Variants in DSCAML1 observed in about 807,000 individuals in gnomAD.
DSCAML1 encodes the protein cell adhesion molecule DSCAML1.
A neutral mutation model predicts 200.5 loss-of-function variants in DSCAML1; 38 were observed. The observed-to-expected ratio is 0.19, with a 90% CI of 0.15 to 0.25. The LOEUF is 0.25. DSCAML1 is among the 10% of genes least tolerant of loss of function. The pLI is 1.00. For synonymous variants in DSCAML1, 1,215 were observed against 1,165.0 expected, an observed-to-expected ratio of 1.04 and a Z score of -0.87; for missense variants, 2,223 against 2,858.8, an observed-to-expected ratio of 0.78 and a Z score of 5.07.
intron 11 of DSCAML1, among the ~76,000 whole-genome samples, chr11:117,484,886 AGTGTGTGTGTGTGTGT>A (rs55850829): frequency 0.025 from 3,005 of 119,194 alleles, 60 homozygotes; most frequent in East Asian, 0.064. Flanking sequence ...GCAGAGGAAC[AGTGTGTGTGTGTGTGT>A]GTGTGTGTGT....
rs368287721 is a variant in DSCAML1 at position 117,753,361 on chromosome 11, C to T, written c.511+23430G>A. Reference sequence around the variant, plus strand: ...GTCCCGCATTCTTCTCCTCCCTTTGCCCTTTGTTGCTGCTATGTTTGGGGC... The same window carrying T: ...GTCCCGCATTCTTCTCCTCCCTTTGTCCTTTGTTGCTGCTATGTTTGGGGC... On this transcript the variant is annotated intron_variant, in intron 3 of 32. Coordinates refer to ENST00000651296, the MANE Select transcript of DSCAML1 (RefSeq NM_020693.4). 2.0e-4 allele frequency among the ~76,000 whole-genome samples: 30 copies of T among 152,250 alleles called. No homozygotes were observed. The South Asian group carries it at 2.5e-3, about 13-fold the overall frequency.
intron 11 of DSCAML1, among the ~76,000 whole-genome samples, chr11:117,484,871 GAGA>G (rs1369908471): frequency 6.6e-6 from 1 of 151,026 alleles, no homozygotes; most frequent in Non-Finnish European, 1.5e-5. Context: ...TGAAGCCACA[GAGA>G]AGCAGAGGAA....
At chr11:117,614,853 C>CATA (rs2051777801) in intron 3 of DSCAML1, among the ~76,000 whole-genome samples, 1 of 152,194 alleles carries the variant, frequency 6.6e-6, no homozygotes, top group Non-Finnish European at 1.5e-5. Flanking sequence ...GGTCACTATG[C>CATA]AAGATCCAGC....
intron 3 of DSCAML1, among the ~76,000 whole-genome samples, chr11:117,773,579 T>A (rs1044563255): frequency 6.8e-6 from 1 of 147,226 alleles, no homozygotes; most frequent in Non-Finnish European, 1.5e-5. Context: ...GCACACACAC[T>A]GGGCATAGTG....
In DSCAML1 at chr11:117,463,150, A is replaced by G. The variant is rs2048514181; in HGVS notation, c.3266-1554T>C. On this transcript the variant is annotated intron_variant, in intron 17 of 32. Coordinates refer to ENST00000651296, the MANE Select transcript of DSCAML1 (RefSeq NM_020693.4). The surrounding 1 kb of genome is among the most constrained non-coding windows in gnomAD (Gnocchi z 4.0). Reference sequence around the variant, plus strand: ...CGTGCATCCAGCCTTGCTCCCAAGCAAAAGGGAGGCACAAGGTGAAGCAGG... The same window carrying G: ...CGTGCATCCAGCCTTGCTCCCAAGCGAAAGGGAGGCACAAGGTGAAGCAGG... Among the ~76,000 whole-genome samples the G allele has an allele frequency of 6.6e-6, 1 of 152,356 alleles. No individual in the cohort carries two copies. The highest frequency in any genetic ancestry group is 1.9e-4 in the East Asian group (1 of 5,182).
chr11:117,456,388 C>G (rs1478816328), intron 19 of DSCAML1, among the ~76,000 whole-genome samples: 1 of 152,218 alleles, frequency 6.6e-6, no homozygotes, highest in Admixed American at 6.5e-5. Context: ...AAAAAGCTTC[C>G]TAACAGACAC....
At chr11:117,644,528 C>A (rs2052480353) in intron 3 of DSCAML1, among the ~76,000 whole-genome samples, 3 of 152,254 alleles carry the variant, frequency 2.0e-5, no homozygotes, top group Admixed American at 2.0e-4. Flanking sequence ...AGAAAGTTTT[C>A]TTTCCTTCCT....
intron 3 of DSCAML1, among the ~76,000 whole-genome samples, chr11:117,622,359 C>G (rs567670495): frequency 2.5e-4 from 38 of 152,148 alleles, no homozygotes; most frequent in Non-Finnish European, 5.0e-4. Context: ...CTTCCAGGAG[C>G]AGGGGCAGGT....
chr11:117,768,206 C>T (rs571520382), intron 3 of DSCAML1, among the ~76,000 whole-genome samples: 1 of 152,312 alleles, frequency 6.6e-6, no homozygotes, highest in South Asian at 2.1e-4. Flanking sequence ...AACCGCACCT[C>T]CATTCCTTCC....
At position 117,431,032 on chromosome 11, in the gene DSCAML1, G is replaced by A. The variant is rs1278275260; in HGVS notation, c.5376C>T (p.Asp1792=). ...SYSASLSQDT[D]KGRNSMVSTE... is the part of the protein sequence containing the mutation. ...TGGACACCATGCTGTTCCTTCCTTT[G>A]TCTGGGGAGTTAAGAGGAAAGGGGT... Residue 1792 remains aspartate (D), a splice_region_variant and synonymous_variant, in exon 32 of 33, where the codon GAC becomes GAT. Transcript: ENST00000651296. The A allele has an allele frequency of 1.9e-6, 3 of 1,609,150 alleles. No individual in the cohort carries two copies. Among genetic ancestry groups the A allele is most frequent in the Non-Finnish European group, 2.5e-6 (3 of 1,177,256 alleles).
At chr11:117,615,714 GA>G (rs1032984681) in intron 3 of DSCAML1, among the ~76,000 whole-genome samples, 33 of 151,300 alleles carry the variant, frequency 2.2e-4, no homozygotes, top group Admixed American at 5.3e-4. Flanking sequence ...TTTGGGTGGG[GA>G]AAAAAAAATC....
chr11:117,692,079 T>C (rs2053504553), intron 3 of DSCAML1, among the ~76,000 whole-genome samples: 1 of 152,160 alleles, frequency 6.6e-6, no homozygotes, highest in African/African-American at 2.4e-5. Context: ...GAGCTGGGCC[T>C]AGCGGGGGTG....
Position 117,450,672 on chromosome 11 carries a change from A to G in DSCAML1, c.3585T>C (p.Ala1195=), listed in dbSNP as rs202113729. 44 of 1,614,098 alleles carry G rather than the reference A, an allele frequency of 2.7e-5. No homozygotes were observed. The highest frequency in any genetic ancestry group is 3.5e-5 in the Non-Finnish European group (41 of 1,180,004). ...CTGATGAAGGGACAGCTTTGATGCCAGCAGGGGGACCTGGAACTGAGCAGG... is the reference window on the plus strand; with the variant it reads ...CTGATGAAGGGACAGCTTTGATGCCGGCAGGGGGACCTGGAACTGAGCAGG... ...QTKEDVPGPP[A]GIKAVPSSAS... Residue 1195 remains alanine (A), a synonymous_variant, in exon 20 of 33, where the codon GCT becomes GCC. Transcript: ENST00000651296.
In DSCAML1 at chr11:117,504,338, A is replaced by T. The variant is rs1234070172; in HGVS notation, c.2183-317T>A. Among the ~76,000 whole-genome samples, 2 of 152,190 alleles carry T rather than the reference A, an allele frequency of 1.3e-5. No homozygotes were observed. The highest frequency in any genetic ancestry group is 4.8e-5 in the African/African-American group (2 of 41,450). On this transcript the variant is annotated intron_variant, in intron 10 of 32. Coordinates refer to ENST00000651296, the MANE Select transcript of DSCAML1 (RefSeq NM_020693.4). This position sits in a 1 kb window ranked among gnomAD's most constrained non-coding sequence, Gnocchi z 5.0. ...GAGGAAGAAAGAGCTGTGTTTGGCC[A>T]GTTGGCTGCAGGTGGAGAGAAGATT...
At chr11:117,602,916 T>A (rs181292155) in intron 3 of DSCAML1, among the ~76,000 whole-genome samples, 17 of 151,774 alleles carry the variant, frequency 1.1e-4, no homozygotes, top group Non-Finnish European at 2.9e-5. Flanking sequence ...CTGGGCAACA[T>A]GGCGAAACCC....
At chr11:117,723,977 A>G (rs918363799) in intron 3 of DSCAML1, among the ~76,000 whole-genome samples, 1 of 152,202 alleles carries the variant, frequency 6.6e-6, no homozygotes, top group Non-Finnish European at 1.5e-5. Context: ...AGAGGAAGGG[A>G]GCAAAAGAGA....
At chr11:117,806,197 T>A (rs1042879877) in intron 1 of DSCAML1, among the ~76,000 whole-genome samples, 1 of 152,104 alleles carries the variant, frequency 6.6e-6, no homozygotes, top group African/African-American at 2.4e-5. Context: ...GTTCGATAAG[T>A]CTGTGAAGAG....
intron 3 of DSCAML1, among the ~76,000 whole-genome samples, chr11:117,716,947 C>T (rs868366884): frequency 1.8e-4 from 27 of 152,064 alleles, no homozygotes; most frequent in Non-Finnish European, 3.1e-4. Context: ...GAAAGTCTGG[C>T]GACCCTTAGG....
intron 3 of DSCAML1, among the ~76,000 whole-genome samples, chr11:117,555,127 G>A (rs565175754): frequency 6.6e-6 from 1 of 152,324 alleles, no homozygotes; most frequent in South Asian, 2.1e-4. Context: ...TTGCACTCAG[G>A]TGGGGCATTG....
Sources: gnomAD v4.1 joint callset for allele counts (sites outside exome capture counted in the v4.1 genomes callset) on GRCh38, gnomAD v4.1.1 for gene constraint, Gnocchi (gnomAD v3.1) non-coding constraint, MANE v1.5 for transcripts, NCBI Gene and HGNC (gene_info 2026-07-23, HGNC 2026-07-21) for gene names.